MAP3K15: variants seen among roughly 807,000 people sequenced by gnomAD.
MAP3K15 encodes the protein mitogen-activated protein kinase kinase kinase 15.
MAP3K15 carries 124 observed loss-of-function variants against 99.5 expected under a neutral mutation model. That is an observed-to-expected ratio of 1.25 (90% CI 1.08 to 1.45). The LOEUF (loss-of-function observed/expected upper bound fraction) is 1.45. Ranked by LOEUF, MAP3K15 falls within the 40% of genes most tolerant of loss-of-function variation. MAP3K15 has a pLI of 0.00. For synonymous variants in MAP3K15, 494 were observed against 439.6 expected, an observed-to-expected ratio of 1.12 and a Z score of -1.55; for missense variants, 1,242 against 1,079.7, an observed-to-expected ratio of 1.15 and a Z score of -2.11.
At chrX:19,434,851 A>G (rs1246918665) in intron 6 of MAP3K15, among the ~76,000 whole-genome samples, 3 of 111,764 alleles carry the variant, frequency 2.7e-5, no homozygotes, top group Non-Finnish European at 5.6e-5. Flanking sequence ...TAATCTAGAC[A>G]CTTGGCGACC....
chrX:19,423,786 C>G (rs754877314), intron 9 of MAP3K15, among the ~76,000 whole-genome samples: 1 of 111,686 alleles, frequency 9.0e-6, no homozygotes, highest in Admixed American at 9.6e-5. Flanking sequence ...CCCAGATAGT[C>G]TATGCTAACG....
In MAP3K15 at chrX:19,361,476, C is replaced by A; in HGVS notation, c.3780+17G>T. The A allele has an allele frequency of 5.8e-6, 7 of 1,201,167 alleles. No homozygotes were observed. Among genetic ancestry groups the A allele is most frequent in the Non-Finnish European group, 7.9e-6 (7 of 886,259 alleles). On this transcript the variant is annotated intron_variant, in intron 27 of 28. Coordinates refer to ENST00000338883, the MANE Select transcript of MAP3K15 (RefSeq NM_001001671.4). ...CTGTGTAACAACAGCATAAGAATTTCTTTGTTGTAAATTTACCTTTTCAAT... is the reference window on the plus strand; with the variant it reads ...CTGTGTAACAACAGCATAAGAATTTATTTGTTGTAAATTTACCTTTTCAAT...
chrX:19,415,806 A>T (rs1445593948), intron 9 of MAP3K15, among the ~76,000 whole-genome samples: 1 of 112,103 alleles, frequency 8.9e-6, no homozygotes, highest in Non-Finnish European at 1.9e-5. Context: ...ACTACCCAAC[A>T]TATATACAAA....
chrX:19,451,286 AAAAAAAAAAGAAG>A (rs1211295402), intron 6 of MAP3K15, among the ~76,000 whole-genome samples: 3 of 103,699 alleles, frequency 2.9e-5, no homozygotes, highest in African/African-American at 1.0e-4. Context: ...TTCCAAAAAA[AAAAAAAAAAGAAG>A]AAGATCAGAT....
intron 9 of MAP3K15, among the ~76,000 whole-genome samples, chrX:19,422,126 A>G (rs774978410): frequency 9.1e-6 from 1 of 110,224 alleles, no homozygotes; most frequent in Non-Finnish European, 1.9e-5. Flanking sequence ...ATGGGCAAGG[A>G]CTTCATGTCT....
At chrX:19,467,954 G>C (rs1207676162) in intron 3 of MAP3K15, among the ~76,000 whole-genome samples, 1 of 111,831 alleles carries the variant, frequency 8.9e-6, no homozygotes, top group South Asian at 3.7e-4. Flanking sequence ...GAGAAGACTA[G>C]AGGCTGTTGC....
chrX:19,371,360 G>C lies in MAP3K15; in HGVS notation c.3279C>G (p.Phe1093Leu). 8.3e-7 allele frequency: 1 copy of C among 1,206,918 alleles called. No homozygotes were observed. Among genetic ancestry groups the C allele is most frequent in the Non-Finnish European group, 1.1e-6 (1 of 892,079 alleles). The change falls in exon 23 of 29, where the codon TTC becomes TTG. Residue 1093 changes from phenylalanine (F) to leucine (L), a missense_variant. Transcript: ENST00000338883. The part of the protein sequence containing the change: ...SSISQIHLVL[F>L]GFQDAVNKIL... ...GAGCACTTACGGCATCCTGAAATCC[G>C]AACAGCACCAGGTGAATCTGACTGA...
chrX:19,424,291 T>TATATATAC (rs1569220441), intron 9 of MAP3K15, among the ~76,000 whole-genome samples: 4 of 98,567 alleles, frequency 4.1e-5, no homozygotes, highest in East Asian at 6.1e-4. Context: ...CACATATATA[T>TATATATAC]ACACATATAT....
intron 15 of MAP3K15, among the ~76,000 whole-genome samples, chrX:19,396,375 A>T (rs974281153): frequency 2.7e-5 from 3 of 112,120 alleles, no homozygotes; most frequent in Non-Finnish European, 5.6e-5. Flanking sequence ...TTGCTACCAA[A>T]TGAAGGAGAT....
chrX:19,488,655 C>T (rs1569241283), intron 2 of MAP3K15, among the ~76,000 whole-genome samples, 173 bp downstream of exon 2: 1 of 111,525 alleles, frequency 9.0e-6, no homozygotes, highest in South Asian at 3.8e-4. Flanking sequence ...CAGATGCTCA[C>T]GAAGTAGCCA....
intron 6 of MAP3K15, among the ~76,000 whole-genome samples, chrX:19,432,196 T>TA (rs2063888387): frequency 9.1e-6 from 1 of 110,182 alleles, no homozygotes; most frequent in Admixed American, 9.8e-5. Flanking sequence ...ACCTATATAA[T>TA]AAAAAAGACT....
At chrX:19,367,632 G>A (rs1352257342) in intron 25 of MAP3K15, among the ~76,000 whole-genome samples, 1 of 104,078 alleles carries the variant, frequency 9.6e-6, no homozygotes, top group Non-Finnish European at 1.9e-5. Context: ...CTTGTCTCCC[G>A]GTTAAATAGT....
rs530193217 is a variant in MAP3K15, at chrX:19,409,220, G to C, written c.1748+704C>G. 3.6e-5 allele frequency among the ~76,000 whole-genome samples: 4 copies of C among 111,861 alleles called. No individual in the cohort carries two copies. The South Asian group carries it at 1.5e-3, about 42-fold the overall frequency. On this transcript the variant is annotated intron_variant, in intron 12 of 28. Coordinates refer to ENST00000338883, the MANE Select transcript of MAP3K15 (RefSeq NM_001001671.4). ...AGTGGCTGAGGTAGCCTCAGAGTCA[G>C]AGAAAGGAATGTTCTAGTACAAGCC... is the stretch of plus-strand genomic sequence containing the variant.
At chrX:19,485,104 T>C (rs961742389) in intron 3 of MAP3K15, among the ~76,000 whole-genome samples, 3 of 108,631 alleles carry the variant, frequency 2.8e-5, no homozygotes, top group African/African-American at 1.0e-4. Context: ...AGGTCAGGAG[T>C]TCAAGACCAG....
At chrX:19,390,536 TATATAAC>T (rs1472061669) in intron 18 of MAP3K15, among the ~76,000 whole-genome samples, 1 of 104,037 alleles carries the variant, frequency 9.6e-6, no homozygotes, top group Non-Finnish European at 1.9e-5. Flanking sequence ...TATTATATTA[TATATAAC>T]ATATAATATA....
At chrX:19,432,418 G>A (rs1386896520) in intron 6 of MAP3K15, among the ~76,000 whole-genome samples, 5 of 109,082 alleles carry the variant, frequency 4.6e-5, no homozygotes, top group African/African-American at 1.7e-4. Context: ...AGCCAGGTGT[G>A]GTGGCAGGCA....
chrX:19,421,194 A>G (rs1194970158), intron 9 of MAP3K15, among the ~76,000 whole-genome samples: 2 of 110,956 alleles, frequency 1.8e-5, no homozygotes, highest in Non-Finnish European at 3.8e-5. Context: ...GTAATCAGGC[A>G]GGAGAAGGAA....
At chrX:19,465,212 G>A (rs1333698723) in intron 3 of MAP3K15, among the ~76,000 whole-genome samples, 1 of 111,180 alleles carries the variant, frequency 9.0e-6, no homozygotes, top group African/African-American at 3.3e-5. Context: ...GTATTTTTAC[G>A]TGTCCTGAAA....
At chrX:19,483,094 A>AC (rs2064301993) in intron 3 of MAP3K15, among the ~76,000 whole-genome samples, 1 of 109,254 alleles carries the variant, frequency 9.2e-6, no homozygotes, top group African/African-American at 3.3e-5. Flanking sequence ...ACTAAAAAAA[A>AC]AAAAAATACA....
Sources: allele counts gnomAD v4.1 joint callset (sites outside exome capture counted in the v4.1 genomes callset), GRCh38; gene constraint gnomAD v4.1.1; transcripts MANE v1.5; gene names NCBI Gene and HGNC (gene_info 2026-07-23, HGNC 2026-07-21).